The following PTPRS variants were observed in gnomAD, a reference collection of about 807,000 sequenced individuals.
PTPRS encodes the protein protein tyrosine phosphatase receptor type S.
In PTPRS, 63 loss-of-function variants were observed where a neutral mutation model predicts 215.3. The ratio of observed to expected loss-of-function variants is 0.29; its 90% confidence interval spans 0.24 to 0.36. PTPRS has a LOEUF of 0.36. Among genes scored for constraint, PTPRS ranks in the 10% least tolerant of loss-of-function variants. The pLI is 1.00. For missense variants in PTPRS, 2,258 were observed against 2,825.8 expected, an observed-to-expected ratio of 0.80 and a Z score of 4.56; for synonymous variants, 1,404 against 1,191.4, an observed-to-expected ratio of 1.18 and a Z score of -3.68.
intron 4 of PTPRS, among the ~76,000 whole-genome samples, chr19:5,269,018 G>A (rs1325603840): frequency 6.6e-6 from 1 of 152,174 alleles, no homozygotes; most frequent in Admixed American, 6.5e-5. Context: ...GACATCATCG[G>A]AGATGAGGGC....
chr19:5,265,244 C>T, intron 4 of PTPRS, 48 bp from the exon 5 acceptor site: 1 of 1,544,566 alleles, frequency 6.5e-7, no homozygotes, highest in South Asian at 1.2e-5. Flanking sequence ...GAGCACTGCA[C>T]AGCCACTCCT....
At chr19:5,231,108 G>A (rs1009938317) in intron 14 of PTPRS, among the ~76,000 whole-genome samples, 5 of 152,226 alleles carry the variant, frequency 3.3e-5, no homozygotes, top group African/African-American at 1.2e-4. Context: ...AGATGCTGCA[G>A]AGCTAAGCCT....
chr19:5,284,160 A>C (rs2048121047), intron 2 of PTPRS, among the ~76,000 whole-genome samples: 1 of 151,298 alleles, frequency 6.6e-6, no homozygotes, highest in African/African-American at 2.4e-5. Context: ...GGAGATTGAG[A>C]CCACCCTGGC....
Position 5,207,972 on chromosome 19 carries a change from G to C in PTPRS, c.5728C>G (p.Gln1910Glu). The change falls in exon 37 of 38, where the codon CAG (glutamine) becomes GAG (glutamate). Residue 1910 changes from glutamine (Q) to glutamate (E), a missense_variant. This residue lies in a region of PTPRS where 89 missense variants were observed against 104.0 expected (regional missense o/e 0.86). Transcript: ENST00000262963. ...TGGGTTCGTAGCATCTTCACCGTCT[G>C]AAAGATGTCCACCACGCCTTCATAC... Reference protein sequence around the residue: ...MRYEGVVDIFQTVKMLRTQRP... With the variant: ...MRYEGVVDIFETVKMLRTQRP... 1 of 1,614,104 alleles carries C rather than the reference G, an allele frequency of 6.2e-7. No homozygotes were observed. Among genetic ancestry groups the C allele is most frequent in the Non-Finnish European group, 8.5e-7 (1 of 1,180,028 alleles).
intron 4 of PTPRS, among the ~76,000 whole-genome samples, chr19:5,272,374 G>C (rs1057463626): frequency 1.3e-5 from 2 of 151,712 alleles, no homozygotes; most frequent in African/African-American, 4.8e-5. Context: ...GAGGCAGGCG[G>C]ATCACTTGAG....
intron 9 of PTPRS, among the ~76,000 whole-genome samples, chr19:5,250,318 G>A (rs2044882629): frequency 6.6e-6 from 1 of 152,186 alleles, no homozygotes; most frequent in Non-Finnish European, 1.5e-5. Context: ...AGGCCTCTGG[G>A]CATCCTCCCA....
At chr19:5,276,389 A>G (rs2047365027) in intron 2 of PTPRS, among the ~76,000 whole-genome samples, 1 of 151,404 alleles carries the variant, frequency 6.6e-6, no homozygotes, top group Admixed American at 6.6e-5. Flanking sequence ...CGCCTGGCTA[A>G]TTTTTGTATT....
intron 16 of PTPRS, among the ~76,000 whole-genome samples, 193 bp from the exon 17 acceptor site, chr19:5,226,037 G>A (rs147936102): frequency 3.0e-4 from 45 of 152,196 alleles, no homozygotes; most frequent in South Asian, 1.0e-3. Context: ...CAACCCAGCC[G>A]GACGAGCCCA....
intron 1 of PTPRS, among the ~76,000 whole-genome samples, chr19:5,303,701 G>C (rs1433110294): frequency 2.0e-5 from 3 of 152,082 alleles, no homozygotes; most frequent in Admixed American, 2.0e-4. Context: ...TGGAATCCCA[G>C]CACTTTGGGA....
At chr19:5,283,913 G>GA (rs2048096899) in intron 2 of PTPRS, among the ~76,000 whole-genome samples, 1 of 151,876 alleles carries the variant, frequency 6.6e-6, no homozygotes, top group South Asian at 2.1e-4. Context: ...ATCTCTGTAA[G>GA]AAATTTAAAA....
chr19:5,210,337 G>T lies in PTPRS; in HGVS notation c.5487+132C>A, dbSNP rs1195590174. On this transcript the variant is annotated intron_variant, in intron 35 of 37. Coordinates refer to ENST00000262963, the MANE Select transcript of PTPRS (RefSeq NM_002850.4). The surrounding 1 kb of genome is among the most constrained non-coding windows in gnomAD (Gnocchi z 4.5). ...GGCAGTAGAAGCAAGTGGCCAACTG[G>T]TCAGCTGACACTTCTCCTGATTCCC... is the stretch of plus-strand genomic sequence containing the variant. 6.6e-6 allele frequency: 9 copies of T among 1,353,420 alleles called. No homozygotes were observed. The highest frequency in any genetic ancestry group is 9.2e-6 in the Non-Finnish European group (9 of 976,012). 83.8% of individuals were successfully genotyped at this position (1,353,420 alleles called of 1,614,324 possible).
At position 5,241,069 on chromosome 19, in the gene PTPRS, T is replaced by C. The variant is rs796591504; in HGVS notation, c.1571-737A>G. On this transcript the variant is annotated intron_variant, in intron 11 of 37. Transcript: ENST00000262963. ...CACGCCCGGCTAACTTTTGTATTTT[T>C]AGTAGAGACGGGATTTCACCAATTG... 8.8e-4 allele frequency among the ~76,000 whole-genome samples: 133 copies of C among 151,178 alleles called. 1 individual carries two copies. Among genetic ancestry groups the C allele is most frequent in the African/African-American group, 3.0e-3 (125 of 41,242 alleles).
intron 10 of PTPRS, 42 bp downstream of exon 10, chr19:5,245,734 C>T: frequency 1.3e-6 from 2 of 1,527,006 alleles, no homozygotes; most frequent in Non-Finnish European, 8.8e-7. Flanking sequence ...GGATCGACTC[C>T]AGCCTGCCCC....
intron 4 of PTPRS, among the ~76,000 whole-genome samples, chr19:5,267,935 C>T (rs1433530024): frequency 6.6e-6 from 1 of 151,828 alleles, no homozygotes; most frequent in Admixed American, 6.6e-5. Flanking sequence ...TTTGAGAGGC[C>T]GAGGCAGGTG....
At chr19:5,326,041 G>C (rs1202909274) in intron 1 of PTPRS, among the ~76,000 whole-genome samples, 1 of 152,102 alleles carries the variant, frequency 6.6e-6, no homozygotes, top group East Asian at 1.9e-4. Context: ...AACCAGCCTG[G>C]CCAACATGGT....
intron 30 of PTPRS, among the ~76,000 whole-genome samples, 156 bp downstream of exon 30, chr19:5,214,205 C>T (rs377000579): frequency 1.3e-5 from 2 of 152,214 alleles, no homozygotes; most frequent in African/African-American, 4.8e-5. Flanking sequence ...TCCCCCTCCA[C>T]GGAAGTGGGT....
At chr19:5,307,820 C>T (rs1000207039) in intron 1 of PTPRS, among the ~76,000 whole-genome samples, 9 of 152,160 alleles carry the variant, frequency 5.9e-5, no homozygotes, top group East Asian at 1.9e-4. Context: ...ATCGCCATAT[C>T]GGGGGCCAAA....
At chr19:5,319,778 G>A (rs1319781775) in intron 1 of PTPRS, among the ~76,000 whole-genome samples, 1 of 151,860 alleles carries the variant, frequency 6.6e-6, no homozygotes, top group Non-Finnish European at 1.5e-5. Context: ...CACGTTATCT[G>A]CTTGGTTCCT....
rs2040349283 is a variant in PTPRS at position 5,206,131 on chromosome 19, T to C, written c.*643A>G. Among the ~76,000 whole-genome samples, 1 of 140,672 alleles carries C rather than the reference T, an allele frequency of 7.1e-6. No individual in the cohort carries two copies. The highest frequency in any genetic ancestry group is 1.5e-5 in the Non-Finnish European group (1 of 66,066). 92.3% of individuals were successfully genotyped at this position (140,672 alleles called of 152,430 possible). On this transcript the variant is annotated 3_prime_UTR_variant, in exon 38 of 38. Transcript: ENST00000262963. ...TGGCGTGCGCGTTTGCGAACGTAAC[T>C]ATCACACAAGGACGCTTTCTACAGT... is the stretch of plus-strand genomic sequence containing the variant.
Sources: gnomAD v4.1 joint callset for allele counts (sites outside exome capture counted in the v4.1 genomes callset) on GRCh38, gnomAD v4.1.1 for gene constraint, gnomAD v4.1.1 regional missense constraint, Gnocchi (gnomAD v3.1) non-coding constraint, MANE v1.5 for transcripts, NCBI Gene and HGNC (gene_info 2026-07-23, HGNC 2026-07-21) for gene names.